The following RO60 variants were observed in gnomAD, a reference collection of about 807,000 sequenced individuals.
RO60 encodes RNA-binding protein RO60.
A neutral mutation model predicts 55.3 loss-of-function variants in RO60; 20 were observed. That is an observed-to-expected ratio of 0.36 (90% confidence interval 0.25 to 0.53). RO60 has a LOEUF of 0.53. Among genes scored for constraint, RO60 ranks in the 20% least tolerant of loss-of-function variants. The pLI, the probability that RO60 is intolerant of heterozygous loss-of-function variation, is 0.92. For missense variants in RO60, 558 were observed against 646.6 expected (o/e 0.86, Z 1.49); for synonymous variants, 213 against 213.6 (o/e 1.00, Z 0.02).
chr1:193,076,562 T>C lies in RO60; in HGVS notation c.863T>C (p.Met288Thr). 1.2e-6 allele frequency: 2 copies of C among 1,612,808 alleles called. No homozygotes were observed. The highest frequency in any genetic ancestry group is 1.7e-6 in the Non-Finnish European group (2 of 1,179,438). The change falls in exon 4 of 9, where the codon ATG (methionine) becomes ACG (threonine). Residue 288 changes from methionine to threonine, a missense_variant. By Grantham distance (81) the Met-to-Thr change is moderately conservative. Coordinates refer to ENST00000400968, the MANE Select transcript of RO60 (RefSeq NM_001173524.2). ...GCATTACTAAGGAATCTAGGAAAGA[T>C]GACTGCTAATTCAGTACTTGAACCA... ...LTALLRNLGK[M>T]TANSVLEPGN...
chr1:193,078,185 A>G (rs1265154287), intron 5 of RO60, among the ~76,000 whole-genome samples: 2 of 152,214 alleles, frequency 1.3e-5, no homozygotes, highest in East Asian at 3.8e-4. Flanking sequence ...CAGAAAAAGC[A>G]TTTCACAAAT....
At chr1:193,060,502 T>A (rs966314940) in intron 1 of RO60, among the ~76,000 whole-genome samples, 1 of 152,146 alleles carries the variant, frequency 6.6e-6, no homozygotes. Context: ...AGAAAGACCT[T>A]TGGCTTCCAG....
At chr1:193,074,360 A>G (rs1673745344) in intron 2 of RO60, among the ~76,000 whole-genome samples, 1 of 152,212 alleles carries the variant, frequency 6.6e-6, no homozygotes, top group South Asian at 2.1e-4. Context: ...CCAACAGTGT[A>G]AAAGTGTTCC....
chr1:193,080,422 C>A (rs1286166975), intron 5 of RO60, among the ~76,000 whole-genome samples: 1 of 152,070 alleles, frequency 6.6e-6, no homozygotes, highest in Non-Finnish European at 1.5e-5. Context: ...GGTATATACC[C>A]AAAAGAATTG....
chr1:193,080,257 CAA>C (rs764705252), intron 5 of RO60, among the ~76,000 whole-genome samples: 1 of 151,916 alleles, frequency 6.6e-6, no homozygotes, highest in Non-Finnish European at 1.5e-5. Flanking sequence ...AAGCAGAAAA[CAA>C]GAGTTGGGGA....
At chr1:193,081,061 T>C (rs757916205) in intron 5 of RO60, among the ~76,000 whole-genome samples, 1 of 152,216 alleles carries the variant, frequency 6.6e-6, no homozygotes, top group African/African-American at 2.4e-5. Flanking sequence ...CTAAAAATTC[T>C]CATTTTACTT....
At chr1:193,064,053 T>C (rs952872902) in intron 1 of RO60, among the ~76,000 whole-genome samples, 12 of 152,062 alleles carry the variant, frequency 7.9e-5, no homozygotes, top group African/African-American at 2.9e-4. Flanking sequence ...TATGGCAAGG[T>C]CTGGGGCAAG....
In RO60 at chr1:193,059,862, C is replaced by G. The variant is rs369587188; in HGVS notation, c.-22+86C>G. 2.2e-6 allele frequency: 3 copies of G among 1,363,934 alleles called. No homozygotes were observed. The Admixed American group carries it at 5.7e-5, about 26-fold the overall frequency. 84.5% of individuals were successfully genotyped at this position (1,363,934 alleles called of 1,614,324 possible). The stretch of plus-strand genomic sequence containing the variant: ...TCTGACCAGTCCTCCATGTCTCTCA[C>G]CCGCATCCCAGGGGTTGAGGCTGGG... On this transcript the variant is annotated intron_variant, in intron 1 of 8. Coordinates refer to ENST00000400968, the MANE Select transcript of RO60 (RefSeq NM_001173524.2). The surrounding 1 kb of genome is among the most constrained non-coding windows in gnomAD (Gnocchi z 4.9).
chr1:193,064,608 T>C (rs1213724730), intron 1 of RO60, among the ~76,000 whole-genome samples: 1 of 152,204 alleles, frequency 6.6e-6, no homozygotes, highest in Non-Finnish European at 1.5e-5. Flanking sequence ...TATAATCAAG[T>C]AGGAAGGTGC....
chr1:193,061,558 G>A (rs532137964), intron 1 of RO60, among the ~76,000 whole-genome samples: 2 of 152,338 alleles, frequency 1.3e-5, no homozygotes, highest in South Asian at 4.1e-4. Flanking sequence ...TGTATATGCT[G>A]TAGTTCTGAT....
At chr1:193,070,678 T>C in intron 2 of RO60, 1 of 377,982 alleles carries the variant, frequency 2.6e-6, no homozygotes, top group South Asian at 1.9e-5. Flanking sequence ...GAGAATAAGC[T>C]TACAATTATT....
At chr1:193,073,463 G>GT (rs1253725760) in intron 2 of RO60, among the ~76,000 whole-genome samples, 1 of 152,016 alleles carries the variant, frequency 6.6e-6, no homozygotes, top group Admixed American at 6.6e-5. Flanking sequence ...TTGAAAGTAA[G>GT]TTTTTTTTCT....
Position 193,086,980 on chromosome 1 carries a change from G to C in RO60, c.*2249G>C, listed in dbSNP as rs896956131. 1.2e-4 allele frequency: 18 copies of C among 152,004 alleles called. No individual in the cohort carries two copies. The highest frequency in any genetic ancestry group is 3.6e-4 in the African/African-American group (15 of 41,408). The allele number at this position is 152,004 out of a possible 1,614,324, so 9.4% of individuals were successfully genotyped here. A position where few individuals can be genotyped will look rare whatever the true frequency, so the allele number is the denominator to read the frequency against. ...TGAAGTACTATAACCTAGAAATCTT[G>C]GTCTCTTCATTCCTGTGCCAGAATT... On this transcript the variant is annotated 3_prime_UTR_variant, in exon 9 of 9. Coordinates refer to ENST00000400968, the MANE Select transcript of RO60 (RefSeq NM_001173524.2).
Position 193,085,600 on chromosome 1 carries a change from C to T in RO60, c.*869C>T. On this transcript the variant is annotated 3_prime_UTR_variant, in exon 9 of 9. Transcript: ENST00000400968. ...ATAAAATGTTTCAAGCGCTTAACTC[C>T]CCCTCATTCACAAAGTATAACAATT... 1.0e-6 allele frequency: 1 copy of T among 984,472 alleles called. No individual in the cohort carries two copies. Among genetic ancestry groups the T allele is most frequent in the Non-Finnish European group, 1.2e-6 (1 of 829,206 alleles). 61.0% of individuals were successfully genotyped at this position (984,472 alleles called of 1,614,324 possible).
At chr1:193,061,794 C>G (rs1448140148) in intron 1 of RO60, among the ~76,000 whole-genome samples, 1 of 152,088 alleles carries the variant, frequency 6.6e-6, no homozygotes, top group Admixed American at 6.5e-5. Context: ...ACCAGCCTGG[C>G]CAACATGGTG....
rs761477210 is a variant in RO60 at position 193,082,240 on chromosome 1, G to T, written c.1258G>T (p.Val420Leu). 1 of 1,613,480 alleles carries T rather than the reference G, an allele frequency of 6.2e-7. No individual in the cohort carries two copies. The highest frequency in any genetic ancestry group is 8.5e-7 in the Non-Finnish European group (1 of 1,179,746). ...TGTAGTTGCTTTTTCCGATGAAATG[G>T]TACCATGTCCAGTGACTACAGATAT... ...SYVVAFSDEMVPCPVTTDMTL... is the reference protein window; with the variant it reads ...SYVVAFSDEMLPCPVTTDMTL... The change falls in exon 7 of 9, where the codon GTA (valine) becomes TTA (leucine). Residue 420 changes from valine to leucine, a missense_variant. Transcript: ENST00000400968.
intron 2 of RO60, among the ~76,000 whole-genome samples, chr1:193,071,509 G>A (rs1673496074): frequency 6.6e-6 from 1 of 151,764 alleles, no homozygotes; most frequent in Non-Finnish European, 1.5e-5. Flanking sequence ...AGTTGTTTCT[G>A]GTTTTTTTAT....
chr1:193,079,336 A>C (rs371685209), intron 5 of RO60, among the ~76,000 whole-genome samples: 2 of 152,036 alleles, frequency 1.3e-5, no homozygotes, highest in Non-Finnish European at 2.9e-5. Flanking sequence ...TGATCCGCCC[A>C]CCTTGGCCTC....
At chr1:193,061,596 T>A (rs1423145277) in intron 1 of RO60, among the ~76,000 whole-genome samples, 2 of 152,360 alleles carry the variant, frequency 1.3e-5, no homozygotes, top group Admixed American at 6.5e-5. Context: ...TATTATATAA[T>A]GTGTGTTACT....
Sources: allele counts gnomAD v4.1 joint callset (sites outside exome capture counted in the v4.1 genomes callset), GRCh38; gene constraint gnomAD v4.1.1; non-coding constraint Gnocchi (gnomAD v3.1); transcripts MANE v1.5; gene names NCBI Gene and HGNC (gene_info 2026-07-23, HGNC 2026-07-21).